Variants in SYDE1 observed in about 807,000 individuals in gnomAD.
SYDE1 encodes the protein synapse defective Rho GTPase activating protein 1.
A neutral mutation model predicts 63.3 loss-of-function variants in SYDE1; 34 were observed. The ratio of observed to expected loss-of-function variants is 0.54; its 90% confidence interval spans 0.41 to 0.71. The LOEUF is 0.71. Ranked by LOEUF, SYDE1 falls within the 30% of genes least tolerant of loss-of-function variation. The pLI is 0.00. For missense variants in SYDE1, 925 were observed against 1,042.5 expected (o/e 0.89, Z 1.55); for synonymous variants, 467 against 473.4 (o/e 0.99, Z 0.18).
At position 15,111,351 on chromosome 19, in the gene SYDE1, G is replaced by A. The variant is rs146821704; in HGVS notation, c.1329G>A (p.Val443=). The change falls in exon 5 of 8, where the codon GTG becomes GTA. Residue 443 remains valine (V), a synonymous_variant. Coordinates refer to ENST00000342784, the MANE Select transcript of SYDE1 (RefSeq NM_033025.6). This position sits in a 1 kb window ranked among gnomAD's most constrained non-coding sequence, Gnocchi z 5.5. ...GLYRLCGSAA[V]KKELRDAFER... ...ACCGTCTTTGTGGCTCAGCGGCAGT[G>A]AAGAAAGAGCTTCGGGATGCCTTTG... The A allele has an allele frequency of 1.7e-5, 27 of 1,614,048 alleles. No individual in the cohort carries two copies. The highest frequency in any genetic ancestry group is 5.3e-5 in the African/African-American group (4 of 74,916).
Position 15,114,183 on chromosome 19 carries a change from T to G in SYDE1, c.*220T>G. ...TGCCAAGTCTGGGGCCTGGGGATTT[T>G]AGGGACCAGCGGTTGTGACCATCTT... is the stretch of plus-strand genomic sequence containing the variant. On this transcript the variant is annotated 3_prime_UTR_variant, in exon 8 of 8. Transcript: ENST00000342784. 2 of 556,080 alleles carry G rather than the reference T, an allele frequency of 3.6e-6. No homozygotes were observed. The highest frequency in any genetic ancestry group is 2.3e-5 in the South Asian group (1 of 43,288). The allele number at this position is 556,080 out of a possible 1,614,324, so 34.4% of individuals were successfully genotyped here.
chr19:15,113,922 C>T lies in SYDE1; in HGVS notation c.2167C>T (p.Leu723=). The change falls in exon 8 of 8, where the codon CTG becomes TTG. Residue 723 remains leucine, a synonymous_variant. Transcript: ENST00000342784. ...LKDFDALILD[L]ERELSKQINV... ...AGACTTCGACGCCCTCATCCTGGATCTGGAGAGAGAGCTCTCCAAGCAAAT... is the reference window on the plus strand; with the variant it reads ...AGACTTCGACGCCCTCATCCTGGATTTGGAGAGAGAGCTCTCCAAGCAAAT... The T allele has an allele frequency of 6.2e-7, 1 of 1,613,980 alleles. No individual in the cohort carries two copies. The highest frequency in any genetic ancestry group is 8.5e-7 in the Non-Finnish European group (1 of 1,180,000).
In SYDE1 at chr19:15,113,844, G is replaced by A. The variant is rs1175319823; in HGVS notation, c.2089G>A (p.Gly697Ser). Reference sequence around the variant, plus strand: ...GGAGGTCGGCGAGCCGAGGGTCACCGGTGACTTCGAAGACGACTTCGATGC... The same window carrying A: ...GGAGGTCGGCGAGCCGAGGGTCACCAGTGACTTCGAAGACGACTTCGATGC... ...DEEVGEPRVT[G>S]DFEDDFDAPF... is the part of the protein sequence containing the mutation. The change falls in exon 8 of 8, where the codon GGT (glycine) becomes AGT (serine). Residue 697 changes from glycine (G) to serine (S), a missense_variant. This residue lies in a region of SYDE1 where 255 missense variants were observed against 255.9 expected (regional missense o/e 1.00). Transcript: ENST00000342784. 2 of 1,614,070 alleles carry A rather than the reference G, an allele frequency of 1.2e-6. No homozygotes were observed. Among genetic ancestry groups the A allele is most frequent in the East Asian group, 2.2e-5 (1 of 44,894 alleles).
In SYDE1 at chr19:15,108,952, C is replaced by T. The variant is rs1393467628; in HGVS notation, c.89-104C>T. The T allele has an allele frequency of 3.4e-5, 48 of 1,406,776 alleles. 2 individuals carry two copies. In the South Asian group the frequency reaches 5.0e-4, roughly 15 times the overall value. The allele number at this position is 1,406,776 out of a possible 1,614,324, so 87.1% of individuals were successfully genotyped here. On this transcript the variant is annotated intron_variant, in intron 1 of 7. Coordinates refer to ENST00000342784, the MANE Select transcript of SYDE1 (RefSeq NM_033025.6). This position sits in a 1 kb window ranked among gnomAD's most constrained non-coding sequence, Gnocchi z 4.3. The stretch of plus-strand genomic sequence containing the variant: ...CAAGGAACCATGACTTATCAGGGGC[C>T]GGCCAGGGCCGTACACAGCATCCCA...
At position 15,109,576 on chromosome 19, in the gene SYDE1, T is replaced by G; in HGVS notation, c.431-128T>G. The G allele has an allele frequency of 1.1e-6, 1 of 920,960 alleles. No homozygotes were observed. Among genetic ancestry groups the G allele is most frequent in the Non-Finnish European group, 1.6e-6 (1 of 632,542 alleles). 57.0% of individuals were successfully genotyped at this position (920,960 alleles called of 1,614,324 possible). A position where few individuals can be genotyped will look rare whatever the true frequency, so the allele number is the denominator to read the frequency against. ...CCCGTCAGATGCTCCCAGAGGAGCA[T>G]CAGCCTCACACCCTCCTCCCCGCCA... is the stretch of plus-strand genomic sequence containing the variant. On this transcript the variant is annotated intron_variant, in intron 2 of 7. Transcript: ENST00000342784. The surrounding 1 kb of genome is among the most constrained non-coding windows in gnomAD (Gnocchi z 5.0).
In SYDE1 at chr19:15,114,902, T is replaced by C. The variant is rs906493368; in HGVS notation, c.*939T>C. On this transcript the variant is annotated 3_prime_UTR_variant, in exon 8 of 8. Transcript: ENST00000342784. ...GGGCCCCAGAGTTCCAGTGGGAGAG[T>C]ACGGTTCCCTCCTGTCTCCCTCTTC... 2.8e-6 allele frequency: 1 copy of C among 357,032 alleles called. No homozygotes were observed. The highest frequency in any genetic ancestry group is 2.1e-5 in the African/African-American group (1 of 47,452). The allele number at this position is 357,032 out of a possible 1,614,324, so 22.1% of individuals were successfully genotyped here. A position where few individuals can be genotyped will look rare whatever the true frequency, so the allele number is the denominator to read the frequency against.
In SYDE1 at chr19:15,113,591, C is replaced by T. The variant is rs1397746130; in HGVS notation, c.1836C>T (p.Val612=). 5.1e-6 allele frequency: 8 copies of T among 1,582,166 alleles called. No homozygotes were observed. The highest frequency in any genetic ancestry group is 6.9e-6 in the Non-Finnish European group (8 of 1,162,970). The change falls in exon 8 of 8, where the codon GTC becomes GTT. Residue 612 remains valine, a synonymous_variant. Coordinates refer to ENST00000342784, the MANE Select transcript of SYDE1 (RefSeq NM_033025.6). ...DPRLPRQSPD[V]APYLRPKRQP... ...GCCTGCCCCGACAATCTCCAGATGT[C>T]GCGCCTTACTTGCGACCCAAACGAC... is the stretch of plus-strand genomic sequence containing the variant.
chr19:15,109,652 C>A lies in SYDE1; in HGVS notation c.431-52C>A. ...CCCTTCAGGGGAGCACCAGCCTCACCCCCCTCCCCTAAGCCCAGGTTCCTG... is the reference window on the plus strand; with the variant it reads ...CCCTTCAGGGGAGCACCAGCCTCACACCCCTCCCCTAAGCCCAGGTTCCTG... On this transcript the variant is annotated intron_variant, in intron 2 of 7. Coordinates refer to ENST00000342784, the MANE Select transcript of SYDE1 (RefSeq NM_033025.6). This position sits in a 1 kb window ranked among gnomAD's most constrained non-coding sequence, Gnocchi z 5.0. 2 of 1,135,934 alleles carry A rather than the reference C, an allele frequency of 1.8e-6. No individual in the cohort carries two copies. The highest frequency in any genetic ancestry group is 2.4e-6 in the Non-Finnish European group (2 of 823,468). 70.4% of individuals were successfully genotyped at this position (1,135,934 alleles called of 1,614,324 possible). A position where few individuals can be genotyped will look rare whatever the true frequency, so the allele number is the denominator to read the frequency against.
At chr19:15,112,968 G>A (rs139754431) in intron 7 of SYDE1, among the ~76,000 whole-genome samples, 3 of 152,182 alleles carry the variant, frequency 2.0e-5, no homozygotes, top group Admixed American at 2.0e-4. Flanking sequence ...GTGGTGGCAT[G>A]ATCTCAGCTC....
rs2046341816 is a variant in SYDE1 at position 15,110,821 on chromosome 19, AC to A, written c.1290+91del. 9 of 1,224,062 alleles carry A rather than the reference AC, an allele frequency of 7.4e-6. No individual in the cohort carries two copies. The East Asian group carries it at 2.1e-4, about 28-fold the overall frequency. 75.8% of individuals were successfully genotyped at this position (1,224,062 alleles called of 1,614,324 possible). A position where few individuals can be genotyped will look rare whatever the true frequency, so the allele number is the denominator to read the frequency against. Reference sequence around the variant, plus strand: ...CCCTATGTACAGATGCCAGACCCCTACCCCCAGGCCTGAGCCACTCCTAGCT... The same window carrying A: ...CCCTATGTACAGATGCCAGACCCCTACCCCAGGCCTGAGCCACTCCTAGCT... On this transcript the variant is annotated intron_variant, in intron 4 of 7. Transcript: ENST00000342784. This position sits in a 1 kb window ranked among gnomAD's most constrained non-coding sequence, Gnocchi z 6.9.
At position 15,110,829 on chromosome 19, in the gene SYDE1, G is replaced by T; in HGVS notation, c.1290+94G>T. The T allele has an allele frequency of 7.0e-6, 8 of 1,149,046 alleles. No individual in the cohort carries two copies. The highest frequency in any genetic ancestry group is 9.6e-6 in the Non-Finnish European group (8 of 833,906). 71.2% of individuals were successfully genotyped at this position (1,149,046 alleles called of 1,614,324 possible). On this transcript the variant is annotated intron_variant, in intron 4 of 7. Transcript: ENST00000342784. This position sits in a 1 kb window ranked among gnomAD's most constrained non-coding sequence, Gnocchi z 6.9. ...ACAGATGCCAGACCCCTACCCCCAG[G>T]CCTGAGCCACTCCTAGCTCCAATCC...
Position 15,111,578 on chromosome 19 carries a change from CCTT to C in SYDE1, c.1418-53_1418-51del, listed in dbSNP as rs2046346165. The C allele has an allele frequency of 3.7e-6, 6 of 1,609,500 alleles. No homozygotes were observed. Among genetic ancestry groups the C allele is most frequent in the Non-Finnish European group, 5.1e-6 (6 of 1,177,650 alleles). ...TCCTCTTCCCCCTTAGCTGTGCCCT[CCTT>C]AGCCTTAGAAGCCAGTGGTGCCCTG... On this transcript the variant is annotated intron_variant, in intron 5 of 7. Transcript: ENST00000342784. This position sits in a 1 kb window ranked among gnomAD's most constrained non-coding sequence, Gnocchi z 5.5.
At chr19:15,112,808 G>A (rs575681965) in intron 7 of SYDE1, among the ~76,000 whole-genome samples, 19 of 152,280 alleles carry the variant, frequency 1.2e-4, no homozygotes, top group South Asian at 2.1e-4. Flanking sequence ...GGTCTCAAAC[G>A]CATGATCTCA....
At chr19:15,107,580 G>A (rs2046315150) in intron 1 of SYDE1, 59 bp downstream of exon 1, 2 of 1,320,046 alleles carry the variant, frequency 1.5e-6, no homozygotes, top group African/African-American at 1.5e-5. Flanking sequence ...TGGGAGCGGG[G>A]TCCCAGGGCC....
Position 15,113,809 on chromosome 19 carries a change from A to T in SYDE1, c.2054A>T (p.Asp685Val). The T allele has an allele frequency of 6.2e-7, 1 of 1,613,472 alleles. No homozygotes were observed. Residue 685 changes from aspartate to valine, a missense_variant, in exon 8 of 8, where the codon GAC (aspartate) becomes GTC (valine). Asp to Val is a radical substitution (Grantham distance 152, BLOSUM62 -3). Coordinates refer to ENST00000342784, the MANE Select transcript of SYDE1 (RefSeq NM_033025.6). ...YDHVTGSDSE[D>V]EDEEVGEPRV... ...CACGTGACGGGCAGTGACAGCGAGG[A>T]CGAGGACGAGGAGGTCGGCGAGCCG...
Position 15,110,124 on chromosome 19 carries a change from C to A in SYDE1, c.851C>A (p.Ala284Asp), listed in dbSNP as rs1305282242. The A allele has an allele frequency of 7.1e-7, 1 of 1,407,740 alleles. No individual in the cohort carries two copies. The allele number at this position is 1,407,740 out of a possible 1,614,324, so 87.2% of individuals were successfully genotyped here. A position where few individuals can be genotyped will look rare whatever the true frequency, so the allele number is the denominator to read the frequency against. The stretch of plus-strand genomic sequence containing the variant: ...GGGGGGCTGCGGCCAGCGCCGGGGG[C>A]CACCCCCAGGGACCTCTGCTGCCTA... ...GLGGLRPAPG[A>D]TPRDLCCLLQ... Residue 284 changes from alanine to aspartate, a missense_variant, in exon 3 of 8, where the codon GCC becomes GAC. Ala to Asp is a moderately radical substitution (Grantham distance 126). This residue lies in a region of SYDE1 where 599 missense variants were observed against 653.7 expected (regional missense o/e 0.92). Transcript: ENST00000342784. The surrounding 1 kb of genome is among the most constrained non-coding windows in gnomAD (Gnocchi z 6.9).
In SYDE1 at chr19:15,113,774, A is replaced by G. The variant is rs1224017248; in HGVS notation, c.2019A>G (p.Pro673=). 1.2e-6 allele frequency: 2 copies of G among 1,614,030 alleles called. No individual in the cohort carries two copies. Among genetic ancestry groups the G allele is most frequent in the African/African-American group, 2.7e-5 (2 of 74,954 alleles). ...GTGGGCGGGATTTCCTGTCCGGGCC[A>G]GACTACGACCACGTGACGGGCAGTG... ...LPCGRDFLSG[P]DYDHVTGSDS... The change falls in exon 8 of 8, where the codon CCA becomes CCG. Residue 673 remains proline, a synonymous_variant. Coordinates refer to ENST00000342784, the MANE Select transcript of SYDE1 (RefSeq NM_033025.6).
rs1002959192 is a variant in SYDE1, at chr19:15,110,346, G to A, written c.1073G>A (p.Arg358Gln). ...ACCGTGCTGCTGCCCACGGTCTTCC[G>A]AGGTAGGACATGCGGCTGCAGGGGA... ...QGTVLLPTVFRGCQAQQLAVR... is the reference protein window; with the variant it reads ...QGTVLLPTVFQGCQAQQLAVR... Residue 358 changes from arginine to glutamine, a missense_variant and splice_region_variant, in exon 3 of 8, where the codon CGA (arginine) becomes CAA (glutamine). Physicochemically the swap from Arg to Gln is conservative, Grantham distance 43. Coordinates refer to ENST00000342784, the MANE Select transcript of SYDE1 (RefSeq NM_033025.6). This position sits in a 1 kb window ranked among gnomAD's most constrained non-coding sequence, Gnocchi z 6.9. The A allele has an allele frequency of 2.4e-5, 34 of 1,432,404 alleles. No individual in the cohort carries two copies. Among genetic ancestry groups the A allele is most frequent in the Non-Finnish European group, 3.1e-5 (34 of 1,094,812 alleles). 88.7% of individuals were successfully genotyped at this position (1,432,404 alleles called of 1,614,324 possible). A position where few individuals can be genotyped will look rare whatever the true frequency, so the allele number is the denominator to read the frequency against.
intron 6 of SYDE1, 114 bp from the exon 7 acceptor site, chr19:15,112,232 C>G: frequency 1.5e-6 from 1 of 671,380 alleles, no homozygotes; most frequent in East Asian, 2.7e-5. Context: ...CCGACCACAT[C>G]CCAGCTATGA....
Sources: gnomAD v4.1 joint callset for allele counts (sites outside exome capture counted in the v4.1 genomes callset) on GRCh38, gnomAD v4.1.1 for gene constraint, gnomAD v4.1.1 regional missense constraint, Gnocchi (gnomAD v3.1) non-coding constraint, MANE v1.5 for transcripts, NCBI Gene and HGNC (gene_info 2026-07-23, HGNC 2026-07-21) for gene names.